The following NUP98 variants were observed in gnomAD, a reference collection of about 807,000 sequenced individuals.
The protein encoded by NUP98 is nucleoporin 98 and 96 precursor.
A neutral mutation model predicts 191.9 loss-of-function variants in NUP98; 26 were observed. The ratio of observed to expected loss-of-function variants is 0.14; its 90% confidence interval spans 0.10 to 0.19. NUP98 has a LOEUF of 0.19. NUP98 is among the 10% of genes least tolerant of loss of function. The pLI is 1.00. For missense variants in NUP98, 1,941 were observed against 2,178.8 expected (o/e 0.89, Z 2.17); for synonymous variants, 808 against 778.4 (o/e 1.04, Z -0.63).
In NUP98 at chr11:3,723,146, C is replaced by A. The variant is rs371605913; in HGVS notation, c.2146+11G>T. The stretch of plus-strand genomic sequence containing the variant: ...GGTAAGAGATTAAACATGCACCAAT[C>A]TGAACCTGACCTGCTGGGTGCATAT... On this transcript the variant is annotated intron_variant, in intron 16 of 32. Transcript: ENST00000324932. The A allele has an allele frequency of 1.9e-6, 3 of 1,612,344 alleles. No homozygotes were observed. Among genetic ancestry groups the A allele is most frequent in the South Asian group, 2.2e-5 (2 of 90,886 alleles).
At chr11:3,752,496 GAC>G (rs2080799036) in intron 11 of NUP98, among the ~76,000 whole-genome samples, 1 of 151,310 alleles carries the variant, frequency 6.6e-6, no homozygotes, top group African/African-American at 2.4e-5. Context: ...CAGCCTGAAC[GAC>G]AGAGTGAGAC....
chr11:3,687,118 G>A (rs2078155845), intron 28 of NUP98, among the ~76,000 whole-genome samples: 1 of 152,112 alleles, frequency 6.6e-6, no homozygotes, highest in South Asian at 2.1e-4. Context: ...TATTTTTGTA[G>A]AGATGGGGTC....
chr11:3,779,112 A>C (rs1216926461), intron 3 of NUP98, 44 bp downstream of exon 3: 1 of 1,612,918 alleles, frequency 6.2e-7, no homozygotes, highest in Non-Finnish European at 8.5e-7. Flanking sequence ...CAATTCCTAT[A>C]CTAGCTACAA....
intron 12 of NUP98, among the ~76,000 whole-genome samples, chr11:3,737,515 T>G (rs2035201385): frequency 6.6e-6 from 1 of 152,042 alleles, no homozygotes; most frequent in African/African-American, 2.4e-5. Context: ...TAGTCCCAGC[T>G]ACTCCGGAGG....
Position 3,675,273 on chromosome 11 carries a change from C to T in NUP98, c.*886G>A, listed in dbSNP as rs1448622275. The T allele has an allele frequency of 6.9e-5, 15 of 218,760 alleles. No homozygotes were observed. The highest frequency in any genetic ancestry group is 1.1e-4 in the Non-Finnish European group (12 of 108,646). 13.6% of individuals were successfully genotyped at this position (218,760 alleles called of 1,614,324 possible). On this transcript the variant is annotated 3_prime_UTR_variant, in exon 33 of 33. Transcript: ENST00000324932. ...CCTGCCCCTAACGCCCAACTCCATG[C>T]CTGCCTCAGTCATGGTTTGTTTTTG...
At chr11:3,722,439 C>T (rs2079438602) in intron 16 of NUP98, among the ~76,000 whole-genome samples, 1 of 151,348 alleles carries the variant, frequency 6.6e-6, no homozygotes, top group Non-Finnish European at 1.5e-5. Context: ...AAACTTCTTT[C>T]CTTATGATAC....
intron 23 of NUP98, among the ~76,000 whole-genome samples, chr11:3,701,410 C>T (rs1433608289): frequency 6.6e-6 from 1 of 151,660 alleles, no homozygotes; most frequent in Non-Finnish European, 1.5e-5. Flanking sequence ...TACAAACATG[C>T]ACCACCACCC....
At chr11:3,698,324 G>C (rs1474698108) in intron 25 of NUP98, among the ~76,000 whole-genome samples, 2 of 152,158 alleles carry the variant, frequency 1.3e-5, no homozygotes, top group Non-Finnish European at 2.9e-5. Context: ...CAGGATTTGG[G>C]TGATTTTGAT....
intron 16 of NUP98, among the ~76,000 whole-genome samples, chr11:3,721,549 A>T (rs1245665369): frequency 6.6e-6 from 1 of 152,020 alleles, no homozygotes; most frequent in Non-Finnish European, 1.5e-5. Flanking sequence ...AAATACAAAA[A>T]TTAGCTGGGC....
intron 1 of NUP98, 63 bp downstream of exon 1, chr11:3,797,337 C>G (rs2082709853): frequency 2.5e-6 from 1 of 400,018 alleles, no homozygotes; most frequent in African/African-American, 2.1e-5. Flanking sequence ...CGCGCGTCCG[C>G]CCGCCCGGAA....
chr11:3,730,108 G>A (rs2079786162), intron 14 of NUP98, among the ~76,000 whole-genome samples: 1 of 152,012 alleles, frequency 6.6e-6, no homozygotes, highest in South Asian at 2.1e-4. Flanking sequence ...GGTGGCACGT[G>A]CCTGTAGTCC....
intron 11 of NUP98, among the ~76,000 whole-genome samples, chr11:3,749,328 A>AAG (rs1226804076): frequency 1.3e-5 from 2 of 151,150 alleles, no homozygotes; most frequent in African/African-American, 4.9e-5. Context: ...AAAAAAATAA[A>AAG]TAAATAAATT....
chr11:3,682,918 T>C (rs550873661), intron 30 of NUP98, among the ~76,000 whole-genome samples: 53 of 152,212 alleles, frequency 3.5e-4, no homozygotes, highest in Non-Finnish European at 6.9e-4. Flanking sequence ...TTTCTGGTGT[T>C]GCTGGAGAAA....
chr11:3,750,798 A>G lies in NUP98; in HGVS notation c.1267+2518T>C, dbSNP rs539590801. 1.3e-4 allele frequency among the ~76,000 whole-genome samples: 20 copies of G among 152,132 alleles called. 1 individual carries two copies. In the South Asian group the frequency reaches 3.5e-3, roughly 27 times the overall value. On this transcript the variant is annotated intron_variant, in intron 11 of 32. Transcript: ENST00000324932. ...GGACTACAGGCACATGCCACCATGC[A>G]TATCTATTTTATTTTATTTTTTTGA...
intron 28 of NUP98, among the ~76,000 whole-genome samples, chr11:3,689,639 T>C (rs2078243669): frequency 6.6e-6 from 1 of 152,108 alleles, no homozygotes; most frequent in Non-Finnish European, 1.5e-5. Context: ...CCACTCTGCA[T>C]TTCTTTCTTT....
At chr11:3,707,756 C>CAAAAAAAAAAAAAAAAA (rs2078905744) in intron 20 of NUP98, among the ~76,000 whole-genome samples, 1 of 29,430 alleles carries the variant, frequency 3.4e-5, no homozygotes, top group African/African-American at 1.7e-4. Context: ...AAAAAAAAAT[C>CAAAAAAAAAAAAAAAAA]CTGAAGGAGG....
In NUP98 at chr11:3,714,020, A is replaced by C. The variant is rs773989682; in HGVS notation, c.2400-25T>G. On this transcript the variant is annotated intron_variant, in intron 18 of 32. Coordinates refer to ENST00000324932, the MANE Select transcript of NUP98 (RefSeq NM_016320.5). ...CCTGTAAAACATAACCAATTAAAGT[A>C]ACCAATTAAAGTAAAAGCGCTTCAT... The C allele has an allele frequency of 2.5e-6, 4 of 1,609,676 alleles. No individual in the cohort carries two copies. The South Asian group carries it at 3.3e-5, about 13-fold the overall frequency.
At chr11:3,694,990 T>C (rs2078456987) in intron 26 of NUP98, among the ~76,000 whole-genome samples, 1 of 152,126 alleles carries the variant, frequency 6.6e-6, no homozygotes, top group African/African-American at 2.4e-5. Context: ...AGGAACAACA[T>C]ATATGTGGAT....
In NUP98 at chr11:3,691,339, T is replaced by C; in HGVS notation, c.4454+8A>G. ...CTCAAGTGACAATAAAGCCTGGCTC[T>C]CATTTACCTGTCACTGTAGAGTTTT... is the stretch of plus-strand genomic sequence containing the variant. On this transcript the variant is annotated splice_region_variant and intron_variant, in intron 28 of 32. Coordinates refer to ENST00000324932, the MANE Select transcript of NUP98 (RefSeq NM_016320.5). 6.2e-7 allele frequency: 1 copy of C among 1,614,056 alleles called. No homozygotes were observed. Among genetic ancestry groups the C allele is most frequent in the South Asian group, 1.1e-5 (1 of 91,070 alleles).
Sources: gnomAD v4.1 joint callset for allele counts (sites outside exome capture counted in the v4.1 genomes callset) on GRCh38, gnomAD v4.1.1 for gene constraint, MANE v1.5 for transcripts, NCBI Gene and HGNC (gene_info 2026-07-23, HGNC 2026-07-21) for gene names.